Variants in SERINC5 observed in about 807,000 individuals in gnomAD.
SERINC5 encodes chromosome 5 open reading frame 12.
SERINC5 carries 41 observed loss-of-function variants against 63.1 expected under a neutral mutation model. The ratio of observed to expected loss-of-function variants is 0.65; its 90% confidence interval spans 0.51 to 0.84. The LOEUF is 0.84. Ranked by LOEUF, SERINC5 falls within the 40% of genes least tolerant of loss-of-function variation. SERINC5 has a pLI of 0.00. For synonymous variants in SERINC5, 222 were observed against 215.2 expected, an observed-to-expected ratio of 1.03 and a Z score of -0.28; for missense variants, 523 against 573.0, an observed-to-expected ratio of 0.91 and a Z score of 0.89.
chr5:80,147,278 G>C lies in SERINC5; in HGVS notation c.1060C>G (p.Arg354Gly). 1 of 1,605,802 alleles carries C rather than the reference G, an allele frequency of 6.2e-7. No individual in the cohort carries two copies. The highest frequency in any genetic ancestry group is 8.5e-7 in the Non-Finnish European group (1 of 1,176,598). The change falls in exon 10 of 12, where the codon CGC becomes GGC. Residue 354 changes from arginine to glycine, a missense_variant. Coordinates refer to ENST00000507668, the MANE Select transcript of SERINC5 (RefSeq NM_001174072.3). ...RYAAPELEIARCCFCFSPGGE... is the reference protein window; with the variant it reads ...RYAAPELEIAGCCFCFSPGGE... ...CCAGGACTGAAGCAAAAACAACAGC[G>C]AGCTATCTGTGAAAGCAAAAGCAAC...
chr5:80,235,372 G>A (rs1751638290), intron 1 of SERINC5, among the ~76,000 whole-genome samples: 1 of 152,056 alleles, frequency 6.6e-6, no homozygotes. Context: ...TTTCAAATTA[G>A]TCTTCATTAT....
chr5:80,199,835 G>A (rs1749720932), intron 2 of SERINC5, among the ~76,000 whole-genome samples: 1 of 152,108 alleles, frequency 6.6e-6, no homozygotes, highest in Admixed American at 6.5e-5. Flanking sequence ...TCCCACCACA[G>A]TACCACAGTG....
At chr5:80,158,003 T>C (rs1196900376) in intron 8 of SERINC5, 1 of 152,194 alleles carries the variant, frequency 6.6e-6, no homozygotes. Flanking sequence ...GTATTTCGTT[T>C]CAGCAAAAAG....
chr5:80,184,316 A>T (rs1331347863), intron 2 of SERINC5, among the ~76,000 whole-genome samples: 3 of 152,078 alleles, frequency 2.0e-5, no homozygotes, highest in Non-Finnish European at 2.9e-5. Flanking sequence ...GCACATTAGC[A>T]CCTCTTTCAT....
At chr5:80,181,330 G>A (rs998594918) in intron 2 of SERINC5, among the ~76,000 whole-genome samples, 10 of 151,964 alleles carry the variant, frequency 6.6e-5, no homozygotes, top group African/African-American at 2.4e-5. Flanking sequence ...CACTGCAACC[G>A]TCGCCTCCAG....
intron 1 of SERINC5, among the ~76,000 whole-genome samples, chr5:80,233,239 A>G (rs1210933383): frequency 6.6e-6 from 1 of 152,208 alleles, no homozygotes; most frequent in Non-Finnish European, 1.5e-5. Flanking sequence ...CAGCCTGACC[A>G]ATATGGAGAA....
At position 80,141,539 on chromosome 5, in the gene SERINC5, G is replaced by A. The variant is rs886103866; in HGVS notation, c.*2124C>T. 1 of 985,326 alleles carries A rather than the reference G, an allele frequency of 1.0e-6. No homozygotes were observed. Among genetic ancestry groups the A allele is most frequent in the South Asian group, 4.7e-5 (1 of 21,292 alleles). The allele number at this position is 985,326 out of a possible 1,614,324, so 61.0% of individuals were successfully genotyped here. ...CAAGGGCTCTGCTAGACCTCAGCAGGAGGAAAACAATGAAACTAGTCACAA... is the reference window on the plus strand; with the variant it reads ...CAAGGGCTCTGCTAGACCTCAGCAGAAGGAAAACAATGAAACTAGTCACAA... On this transcript the variant is annotated 3_prime_UTR_variant, in exon 12 of 12. Transcript: ENST00000507668.
chr5:80,113,302 CTTCTT>C (rs754669762), intron 12 of SERINC5, among the ~76,000 whole-genome samples: 6 of 152,134 alleles, frequency 3.9e-5, no homozygotes, highest in African/African-American at 1.4e-4. Context: ...TGTCCATTAT[CTTCTT>C]TTATTTTTTC....
intron 2 of SERINC5, among the ~76,000 whole-genome samples, chr5:80,179,692 T>C (rs1748291880): frequency 6.6e-6 from 1 of 152,168 alleles, no homozygotes; most frequent in African/African-American, 2.4e-5. Context: ...TGGCTAAGGT[T>C]CCCTAATCCA....
chr5:80,213,398 T>G (rs1750525457), intron 1 of SERINC5, among the ~76,000 whole-genome samples: 1 of 152,116 alleles, frequency 6.6e-6, no homozygotes. Context: ...AGACCAAGGC[T>G]CAGAGAGGTT....
In SERINC5 at chr5:80,244,390, A is replaced by G. The variant is rs892237307; in HGVS notation, c.27+11506T>C. 3.3e-5 allele frequency among the ~76,000 whole-genome samples: 5 copies of G among 151,136 alleles called. No homozygotes were observed. In the East Asian group the frequency reaches 8.1e-4, roughly 24 times the overall value. On this transcript the variant is annotated intron_variant, in intron 1 of 11. Coordinates refer to ENST00000507668, the MANE Select transcript of SERINC5 (RefSeq NM_001174072.3). ...GCCACCAGGCCTGGCTAATTTTTGT[A>G]TTTTTAGTAGAGATGGGGTTTTACC... is the stretch of plus-strand genomic sequence containing the variant.
chr5:80,137,626 A>C (rs1745262698), downstream of SERINC5, among the ~76,000 whole-genome samples: 1 of 125,308 alleles, frequency 8.0e-6, no homozygotes, highest in Non-Finnish European at 1.7e-5. Flanking sequence ...TTGGGCGACC[A>C]AGCAAGACTC....
At chr5:80,122,329 T>C (rs965331854) in intron 11 of SERINC5, among the ~76,000 whole-genome samples, 2 of 152,106 alleles carry the variant, frequency 1.3e-5, no homozygotes, top group Admixed American at 1.3e-4. Flanking sequence ...GGGAGAAAGA[T>C]GTAGAGTGGG....
At chr5:80,187,546 C>G (rs988618178) in intron 2 of SERINC5, among the ~76,000 whole-genome samples, 1 of 151,886 alleles carries the variant, frequency 6.6e-6, no homozygotes, top group Non-Finnish European at 1.5e-5. Context: ...CTTACACAGC[C>G]TCTTGGCAAC....
intron 2 of SERINC5, among the ~76,000 whole-genome samples, chr5:80,198,881 G>T (rs757445605): frequency 1.3e-5 from 2 of 152,166 alleles, no homozygotes; most frequent in African/African-American, 2.4e-5. Context: ...ACATTCAGGG[G>T]ACAGGCATAG....
intron 2 of SERINC5, among the ~76,000 whole-genome samples, chr5:80,188,382 G>A (rs1477380485): frequency 6.6e-6 from 1 of 151,082 alleles, no homozygotes; most frequent in East Asian, 1.9e-4. Flanking sequence ...CTGCCAAAAT[G>A]TGTAAATTAC....
intron 1 of SERINC5, among the ~76,000 whole-genome samples, chr5:80,208,050 T>C (rs10058567): frequency 0.039 from 5,940 of 152,272 alleles, 204 homozygotes; most frequent in African/African-American, 0.089. Flanking sequence ...TGGCTGGAAC[T>C]ACTGGTGCTT....
chr5:80,205,426 G>C (rs1238469336), intron 1 of SERINC5, among the ~76,000 whole-genome samples: 1 of 152,212 alleles, frequency 6.6e-6, no homozygotes, highest in Non-Finnish European at 1.5e-5. Flanking sequence ...AAGCACCCAG[G>C]GTGCTGGGAT....
intron 1 of SERINC5, among the ~76,000 whole-genome samples, chr5:80,230,915 C>T (rs966234): frequency 0.53 from 81,018 of 152,058 alleles, 22,886 homozygotes; most frequent in African/African-American, 0.73. Flanking sequence ...TGGGCTCAAG[C>T]AATCCTTCCT....
Sources: gnomAD v4.1 joint callset for allele counts (sites outside exome capture counted in the v4.1 genomes callset) on GRCh38, gnomAD v4.1.1 for gene constraint, MANE v1.5 for transcripts, NCBI Gene and HGNC (gene_info 2026-07-23, HGNC 2026-07-21) for gene names.